The following MINK1 variants were observed in gnomAD, a reference collection of about 807,000 sequenced individuals.
MINK1 encodes misshapen like kinase 1, also known as misshapen-like kinase 1.
In MINK1, 46 loss-of-function variants were observed where a neutral mutation model predicts 178.4. The observed-to-expected ratio is 0.26, with a 90% confidence interval of 0.20 to 0.33. The LOEUF is 0.33. Among genes scored for constraint, MINK1 ranks in the 10% least tolerant of loss-of-function variants. The pLI is 1.00. For missense variants in MINK1, 1,366 were observed against 1,814.9 expected, an observed-to-expected ratio of 0.75 and a Z score of 4.49; for synonymous variants, 797 against 709.7, an observed-to-expected ratio of 1.12 and a Z score of -1.96.
chr17:4,854,303 T>C (rs9893197), intron 1 of MINK1, among the ~76,000 whole-genome samples: 46,757 of 151,942 alleles, frequency 0.31, 7,782 homozygotes, highest in African/African-American at 0.43. Flanking sequence ...CTGCCACCTC[T>C]TATAGGCCTC....
intron 1 of MINK1, among the ~76,000 whole-genome samples, chr17:4,849,167 GTCACTGCA>G (rs774772888): frequency 1.2e-3 from 181 of 152,216 alleles, no homozygotes; most frequent in Non-Finnish European, 1.5e-3. Flanking sequence ...GTCTTCCAGC[GTCACTGCA>G]AGGAAGAGTA....
At chr17:4,871,187 T>C in intron 1 of MINK1, 2 of 188,542 alleles carry the variant, frequency 1.1e-5, no homozygotes, top group South Asian at 5.8e-5. Context: ...TTTAATTTTT[T>C]TTTTTTTTTT....
chr17:4,847,697 CTG>C (rs1454367336), intron 1 of MINK1, among the ~76,000 whole-genome samples: 5 of 152,110 alleles, frequency 3.3e-5, no homozygotes, highest in African/African-American at 7.2e-5. Flanking sequence ...GAGGTGGTGA[CTG>C]TGTGTTAAGC....
chr17:4,883,620 C>T (rs1435678985), intron 4 of MINK1, among the ~76,000 whole-genome samples: 1 of 151,828 alleles, frequency 6.6e-6, no homozygotes. Flanking sequence ...CAAGCTCCGC[C>T]TTCCGGGTTC....
chr17:4,887,183 G>A lies in MINK1; in HGVS notation c.1019+4G>A, dbSNP rs1968284402. ...ATGGAGAGGAAGGAGAGCCAAGGTA[G>A]GCCTGGCAGGTGGAGTGGGGGTTGG... On this transcript the variant is annotated splice_donor_region_variant and intron_variant, in intron 11 of 31. Transcript: ENST00000355280. This position sits in a 1 kb window ranked among gnomAD's most constrained non-coding sequence, Gnocchi z 7.6. 3 of 1,598,894 alleles carry A rather than the reference G, an allele frequency of 1.9e-6. No individual in the cohort carries two copies. Among genetic ancestry groups the A allele is most frequent in the Non-Finnish European group, 2.6e-6 (3 of 1,173,096 alleles).
At chr17:4,897,125 T>G in intron 31 of MINK1, 79 bp from the exon 32 acceptor site, 1 of 1,223,318 alleles carries the variant, frequency 8.2e-7, no homozygotes, top group Non-Finnish European at 1.2e-6. Flanking sequence ...TGCCACCCCT[T>G]CTTCCCTTCT....
intron 1 of MINK1, among the ~76,000 whole-genome samples, chr17:4,870,789 C>T (rs139178906): frequency 0.01 from 1,569 of 152,262 alleles, 23 homozygotes; most frequent in African/African-American, 0.036. Context: ...TACACTACTG[C>T]ACTCCAGCCT....
chr17:4,850,439 A>G (rs72835021), intron 1 of MINK1, among the ~76,000 whole-genome samples: 10,449 of 152,006 alleles, frequency 0.069, 433 homozygotes, highest in Non-Finnish European at 0.095. Context: ...GCCAGAGAAT[A>G]TCTGGTCTCC....
At chr17:4,879,101 G>A (rs1275720655) in intron 2 of MINK1, among the ~76,000 whole-genome samples, 1 of 151,508 alleles carries the variant, frequency 6.6e-6, no homozygotes, top group Non-Finnish European at 1.5e-5. Flanking sequence ...AGCCGCTGCA[G>A]CAGGGAGTGA....
intron 13 of MINK1, 157 bp from the exon 14 acceptor site, chr17:4,890,360 C>A: frequency 7.0e-7 from 1 of 1,432,576 alleles, no homozygotes; most frequent in Non-Finnish European, 9.1e-7. Flanking sequence ...AGCTTCTTTG[C>A]TGGAACGGGA....
In MINK1 at chr17:4,885,077, C is replaced by A; in HGVS notation, c.508+75C>A. ...GAGAATGAGGGGCCCCTTTTTCTCTCTGGTGGCTCAGGCCCAACTCCCTTC... is the reference window on the plus strand; with the variant it reads ...GAGAATGAGGGGCCCCTTTTTCTCTATGGTGGCTCAGGCCCAACTCCCTTC... On this transcript the variant is annotated intron_variant, in intron 6 of 31. Transcript: ENST00000355280. This position sits in a 1 kb window ranked among gnomAD's most constrained non-coding sequence, Gnocchi z 5.0. The A allele has an allele frequency of 7.1e-7, 1 of 1,411,564 alleles. No homozygotes were observed. The highest frequency in any genetic ancestry group is 9.9e-7 in the Non-Finnish European group (1 of 1,011,420). 87.4% of individuals were successfully genotyped at this position (1,411,564 alleles called of 1,614,324 possible).
chr17:4,835,017 C>A (rs1597357318), intron 1 of MINK1, among the ~76,000 whole-genome samples: 2 of 152,228 alleles, frequency 1.3e-5, no homozygotes, highest in South Asian at 4.1e-4. Flanking sequence ...GGCTATGAGA[C>A]CTGACTTGCT....
In MINK1 at chr17:4,833,646, C is replaced by T; in HGVS notation, c.57+6C>T. The T allele has an allele frequency of 1.3e-6, 2 of 1,491,392 alleles. No individual in the cohort carries two copies. Among genetic ancestry groups the T allele is most frequent in the Non-Finnish European group, 1.8e-6 (2 of 1,126,884 alleles). 92.4% of individuals were successfully genotyped at this position (1,491,392 alleles called of 1,614,324 possible). On this transcript the variant is annotated splice_donor_region_variant and intron_variant, in intron 1 of 31. Transcript: ENST00000355280. The surrounding 1 kb of genome is among the most constrained non-coding windows in gnomAD (Gnocchi z 4.8). The stretch of plus-strand genomic sequence containing the variant: ...TCGACCTGTCCGCCCTGCGGGTGAG[C>T]GCGCCGTCCCCCAGCCTCGCCCTGG...
At chr17:4,851,125 C>A in intron 1 of MINK1, 1 of 424,360 alleles carries the variant, frequency 2.4e-6, no homozygotes, top group Non-Finnish European at 4.9e-6. Flanking sequence ...ATCCCAGTAA[C>A]GCCAACAGTT....
chr17:4,893,868 G>A (rs1016534323), intron 21 of MINK1, 120 bp from the exon 22 acceptor site: 2 of 909,496 alleles, frequency 2.2e-6, no homozygotes, highest in African/African-American at 3.4e-5. Context: ...CACCGTGAGG[G>A]TGGAGCAGGT....
At chr17:4,854,122 C>G (rs1007551854) in intron 1 of MINK1, among the ~76,000 whole-genome samples, 2 of 152,148 alleles carry the variant, frequency 1.3e-5, no homozygotes, top group Non-Finnish European at 2.9e-5. Context: ...CCCCACTTCC[C>G]CGGCTCAGCA....
At chr17:4,861,470 C>A (rs1197057940) in intron 1 of MINK1, among the ~76,000 whole-genome samples, 2 of 152,086 alleles carry the variant, frequency 1.3e-5, no homozygotes, top group African/African-American at 4.8e-5. Flanking sequence ...TGTATGGTAT[C>A]TTCTTGAGCC....
chr17:4,854,059 G>A (rs1288406070), intron 1 of MINK1, among the ~76,000 whole-genome samples: 3 of 152,126 alleles, frequency 2.0e-5, no homozygotes, highest in Non-Finnish European at 4.4e-5. Flanking sequence ...AGGTTTTTCA[G>A]TTTATTTTTA....
intron 1 of MINK1, among the ~76,000 whole-genome samples, chr17:4,863,780 CATT>C (rs151245503): frequency 2.7e-5 from 4 of 148,904 alleles, no homozygotes; most frequent in South Asian, 4.3e-4. Context: ...CTAGCTGTCT[CATT>C]ATTATTATTA....
Sources: gnomAD v4.1 joint callset for allele counts (sites outside exome capture counted in the v4.1 genomes callset) on GRCh38, gnomAD v4.1.1 for gene constraint, Gnocchi (gnomAD v3.1) non-coding constraint, MANE v1.5 for transcripts, NCBI Gene and HGNC (gene_info 2026-07-23, HGNC 2026-07-21) for gene names.